The following SPATA13 variants were observed in gnomAD, a reference collection of about 807,000 sequenced individuals.
The protein encoded by SPATA13 is spermatogenesis associated 13.
SPATA13 carries 50 observed loss-of-function variants against 104.0 expected under a neutral mutation model. The observed-to-expected ratio is 0.48, with a 90% CI of 0.38 to 0.61. SPATA13 has a LOEUF of 0.61. SPATA13 is among the 20% of genes least tolerant of loss of function. SPATA13 has a pLI of 0.00. For synonymous variants in SPATA13, 606 were observed against 667.5 expected (o/e 0.91, Z 1.42); for missense variants, 1,524 against 1,690.6 (o/e 0.90, Z 1.73).
At chr13:24,144,683 G>A (rs1049259545) in intron 3 of SPATA13, among the ~76,000 whole-genome samples, 3 of 152,160 alleles carry the variant, frequency 2.0e-5, no homozygotes, top group South Asian at 2.1e-4. Flanking sequence ...AGCAGCCACC[G>A]AGAGAGGATC....
intron 3 of SPATA13, among the ~76,000 whole-genome samples, chr13:24,042,356 G>A (rs1877963492): frequency 6.6e-6 from 1 of 152,204 alleles, no homozygotes; most frequent in African/African-American, 2.4e-5. Flanking sequence ...AGTTCAAGTT[G>A]GAAAGCCAAT....
At chr13:24,148,513 C>T (rs1012162809) in intron 3 of SPATA13, among the ~76,000 whole-genome samples, 3 of 152,130 alleles carry the variant, frequency 2.0e-5, no homozygotes, top group African/African-American at 7.2e-5. Context: ...CTTAACACTG[C>T]CTCCCAGGGT....
At chr13:24,112,646 CTGTT>C (rs778176358) in intron 3 of SPATA13, among the ~76,000 whole-genome samples, 3 of 152,096 alleles carry the variant, frequency 2.0e-5, no homozygotes, top group Non-Finnish European at 2.9e-5. Flanking sequence ...CTCATTACAG[CTGTT>C]TGTTTGTTAT....
chr13:24,029,396 C>G (rs997050330), intron 3 of SPATA13, among the ~76,000 whole-genome samples: 13 of 152,186 alleles, frequency 8.5e-5, no homozygotes, highest in South Asian at 4.1e-4. Context: ...AATCAAGACC[C>G]AAATCCATGT....
intron 3 of SPATA13, among the ~76,000 whole-genome samples, chr13:24,129,620 T>A (rs1881332173): frequency 6.6e-6 from 1 of 152,164 alleles, no homozygotes; most frequent in Non-Finnish European, 1.5e-5. Context: ...GGCCACCCTA[T>A]GTATGGAATC....
At chr13:24,298,341 A>C (rs1191118281) in intron 11 of SPATA13, among the ~76,000 whole-genome samples, 1 of 152,154 alleles carries the variant, frequency 6.6e-6, no homozygotes, top group Non-Finnish European at 1.5e-5. Flanking sequence ...TCTCCCTATG[A>C]AACTCAGGAT....
At chr13:24,024,596 T>C (rs1043935768) in intron 3 of SPATA13, among the ~76,000 whole-genome samples, 5 of 152,040 alleles carry the variant, frequency 3.3e-5, no homozygotes, top group African/African-American at 7.2e-5. Flanking sequence ...GCTGGCACGC[T>C]GCTGCTGATC....
In SPATA13 at chr13:24,246,827, C is replaced by T. The variant is rs141494341; in HGVS notation, c.1654-2650C>T. On this transcript the variant is annotated intron_variant, in intron 2 of 12. Transcript: ENST00000382108. ...GCGGTGAGCCGAGATCACACCACTG[C>T]ACTCCAGCCTGGTGACAGAGTACGA... Among the ~76,000 whole-genome samples the T allele has an allele frequency of 4.0e-3, 613 of 152,114 alleles. 5 individuals carry two copies. The highest frequency in any genetic ancestry group is 0.014 in the African/African-American group (568 of 41,502).
chr13:24,043,851 G>A (rs1878025441), intron 3 of SPATA13, among the ~76,000 whole-genome samples: 1 of 152,192 alleles, frequency 6.6e-6, no homozygotes. Context: ...GACTGTAAGT[G>A]GAACAAATGA....
chr13:24,242,880 T>C (rs1200243420), intron 2 of SPATA13, among the ~76,000 whole-genome samples: 1 of 152,220 alleles, frequency 6.6e-6, no homozygotes, highest in African/African-American at 2.4e-5. Flanking sequence ...TTGTAACACA[T>C]AAAAACAGGC....
Position 24,224,739 on chromosome 13 carries a change from C to G in SPATA13, c.1653+157C>G, listed in dbSNP as rs184596589. ...AGTGGGAATGGGAGTTGTCAAGTTG[C>G]TGTTTACCAAGTTCAGAAGTAATCT... On this transcript the variant is annotated intron_variant, in intron 2 of 12. Transcript: ENST00000382108. The G allele has an allele frequency of 4.2e-4, 317 of 756,990 alleles. 2 individuals are homozygous for G. The African/African-American group carries it at 4.8e-3, about 11-fold the overall frequency. The allele number at this position is 756,990 out of a possible 1,614,324, so 46.9% of individuals were successfully genotyped here.
At chr13:24,130,923 G>C (rs1881373198) in intron 3 of SPATA13, among the ~76,000 whole-genome samples, 1 of 152,228 alleles carries the variant, frequency 6.6e-6, no homozygotes. Context: ...AAGCTCTGAT[G>C]AGCTACGGAG....
At chr13:24,149,401 G>A (rs939972882) in intron 3 of SPATA13, among the ~76,000 whole-genome samples, 2 of 152,148 alleles carry the variant, frequency 1.3e-5, no homozygotes, top group Non-Finnish European at 2.9e-5. Flanking sequence ...GGCTGTGGTC[G>A]GAAGTTTGAA....
chr13:24,223,382 C>T lies in SPATA13; in HGVS notation c.453C>T (p.Gly151=), dbSNP rs745503325. 76 of 1,551,154 alleles carry T rather than the reference C, an allele frequency of 4.9e-5. 1 individual carries two copies. In the South Asian group the frequency reaches 7.5e-4, roughly 15 times the overall value. Residue 151 remains glycine, a synonymous_variant, in exon 2 of 13, where the codon GGC becomes GGT. Transcript: ENST00000382108. ...EHGLGKSIPN[G]AVPGAQASRG... Reference sequence around the variant, plus strand: ...GCCTGGGAAAGTCCATCCCAAATGGCGCTGTCCCAGGAGCCCAGGCAAGCA... The same window carrying T: ...GCCTGGGAAAGTCCATCCCAAATGGTGCTGTCCCAGGAGCCCAGGCAAGCA...
At chr13:24,270,913 G>C in intron 4 of SPATA13, 2 of 1,604,294 alleles carry the variant, frequency 1.2e-6, no homozygotes, top group Non-Finnish European at 1.7e-6. Flanking sequence ...CTTCACTTGG[G>C]TATGTGTGCA....
chr13:24,172,113 C>T (rs1177280418), intron 1 of SPATA13, among the ~76,000 whole-genome samples: 1 of 152,166 alleles, frequency 6.6e-6, no homozygotes, highest in Non-Finnish European at 1.5e-5. Context: ...ACTAAAGCCA[C>T]ACCTAGTTTC....
chr13:24,202,918 C>T (rs187131299), intron 1 of SPATA13, among the ~76,000 whole-genome samples: 752 of 152,116 alleles, frequency 4.9e-3, no homozygotes, highest in Non-Finnish European at 7.7e-3. Flanking sequence ...AACAGGAAAA[C>T]CCTAACTTAG....
At chr13:24,133,896 C>T (rs1035926449) in intron 3 of SPATA13, among the ~76,000 whole-genome samples, 2 of 152,182 alleles carry the variant, frequency 1.3e-5, no homozygotes, top group Non-Finnish European at 2.9e-5. Context: ...TGACAGCCTG[C>T]GTAGAATCAG....
intron 3 of SPATA13, among the ~76,000 whole-genome samples, chr13:24,025,050 G>C (rs1024709901): frequency 6.6e-6 from 1 of 151,384 alleles, no homozygotes. Flanking sequence ...AAAATCTAAA[G>C]TTCCCTGCTT....
Sources: gnomAD v4.1 joint callset for allele counts (sites outside exome capture counted in the v4.1 genomes callset) on GRCh38, gnomAD v4.1.1 for gene constraint, MANE v1.5 for transcripts, NCBI Gene and HGNC (gene_info 2026-07-23, HGNC 2026-07-21) for gene names.